Variants in OPA1 observed in about 807,000 individuals in gnomAD.
OPA1 encodes the protein dynamin-like GTPase OPA1, mitochondrial.
In OPA1, 59 loss-of-function variants were observed where a neutral mutation model predicts 152.9. The ratio of observed to expected loss-of-function variants is 0.39; its 90% CI spans 0.31 to 0.48. The LOEUF (loss-of-function observed/expected upper bound fraction) is 0.48, where lower values mean the gene tolerates loss of function less well. OPA1 is among the 20% of genes least tolerant of loss of function. The pLI is 0.96. For missense variants in OPA1, 1,008 were observed against 1,216.8 expected (o/e 0.83, Z 2.55); for synonymous variants, 400 against 389.9 (o/e 1.03, Z -0.31).
intron 29 of OPA1, among the ~76,000 whole-genome samples, chr3:193,673,640 G>A (rs780505031): frequency 1.3e-5 from 2 of 152,170 alleles, no homozygotes; most frequent in Non-Finnish European, 2.9e-5. Context: ...GAGCATAATG[G>A]TGGCTGTTAT....
intron 29 of OPA1, among the ~76,000 whole-genome samples, chr3:193,677,994 A>G (rs1462455537): frequency 6.6e-6 from 1 of 152,226 alleles, no homozygotes; most frequent in Non-Finnish European, 1.5e-5. Context: ...CTGAAAATAA[A>G]TCAAAATCTT....
chr3:193,632,364 C>CCA (rs1471652450), intron 8 of OPA1, among the ~76,000 whole-genome samples: 3 of 152,074 alleles, frequency 2.0e-5, no homozygotes, highest in Non-Finnish European at 4.4e-5. Context: ...GCCTGTAGTC[C>CCA]CAGCTACTCA....
At chr3:193,676,217 G>A (rs1718953373) in intron 29 of OPA1, among the ~76,000 whole-genome samples, 2 of 146,138 alleles carry the variant, frequency 1.4e-5, no homozygotes, top group African/African-American at 5.2e-5. Context: ...AAATGTGTAT[G>A]TTTGAGAGAC....
Position 193,648,809 on chromosome 3 carries a change from A to G in OPA1, c.1950A>G (p.Glu650=), listed in dbSNP as rs1711668624. 1 of 1,605,424 alleles carries G rather than the reference A, an allele frequency of 6.2e-7. No individual in the cohort carries two copies. The highest frequency in any genetic ancestry group is 1.1e-5 in the South Asian group (1 of 90,866). ...ATATTGCCTAGAATGAACTATTTGAAAAAGCTAAAAATGAAATCCTTGATG... is the reference window on the plus strand; with the variant it reads ...ATATTGCCTAGAATGAACTATTTGAGAAAGCTAAAAATGAAATCCTTGATG... ...LRELDRNELF[E]KAKNEILDEV... The change falls in exon 21 of 31, where the codon GAA becomes GAG. Residue 650 remains glutamate, a synonymous_variant. Transcript: ENST00000361510.
chr3:193,620,025 G>A lies in OPA1; in HGVS notation c.678+1089G>A, dbSNP rs73205344. Among the ~76,000 whole-genome samples, 7 of 152,024 alleles carry A rather than the reference G, an allele frequency of 4.6e-5. No individual in the cohort carries two copies. In the South Asian group the frequency reaches 6.2e-4, roughly 14 times the overall value. ...ATCTTTTTTGACCCTCTTTTGCATT[G>A]ACATTATTTTAACCAAAGGACACTC... On this transcript the variant is annotated intron_variant, in intron 6 of 30. Transcript: ENST00000361510.
chr3:193,635,552 A>G (rs528622242), intron 9 of OPA1, 30 bp downstream of exon 9: 4 of 1,312,098 alleles, frequency 3.0e-6, no homozygotes, highest in South Asian at 2.4e-5. Context: ...TTTATTCTCA[A>G]AATTTTACCG....
chr3:193,608,223 T>C (rs1727603878), intron 1 of OPA1, among the ~76,000 whole-genome samples: 1 of 152,176 alleles, frequency 6.6e-6, no homozygotes, highest in Non-Finnish European at 1.5e-5. Context: ...TCTGGTCTTA[T>C]TTATTTCTTG....
chr3:193,686,239 T>A (rs1171685273), intron 29 of OPA1, among the ~76,000 whole-genome samples: 3 of 152,202 alleles, frequency 2.0e-5, no homozygotes, highest in Admixed American at 6.5e-5. Flanking sequence ...GTTTTCCATT[T>A]GAGTTTTTGA....
chr3:193,593,538 A>G, intron 1 of OPA1, 129 bp downstream of exon 1: 1 of 991,618 alleles, frequency 1.0e-6, no homozygotes, highest in Non-Finnish European at 1.4e-6. Flanking sequence ...GAATTCCCAG[A>G]TGTTCTTGAG....
chr3:193,618,935 A>G lies in OPA1; in HGVS notation c.677A>G (p.Lys226Arg). The G allele has an allele frequency of 6.2e-7, 1 of 1,611,976 alleles. No homozygotes were observed. Among genetic ancestry groups the G allele is most frequent in the Non-Finnish European group, 8.5e-7 (1 of 1,178,008 alleles). Reference protein sequence around the residue: ...RGSESDKHFRKGLLGELILLQ... With the variant: ...RGSESDKHFRRGLLGELILLQ... ...TCTGAAAGTGACAAGCATTTTAGAAAGGTAAGTGTAAAAGAGAATTGTTCA... is the reference window on the plus strand; with the variant it reads ...TCTGAAAGTGACAAGCATTTTAGAAGGGTAAGTGTAAAAGAGAATTGTTCA... The change falls in exon 6 of 31, where the codon AAG (lysine) becomes AGG (arginine). Residue 226 changes from lysine (K) to arginine (R), a missense_variant and splice_region_variant. This residue lies in a region of OPA1 where 408 missense variants were observed against 395.1 expected (regional missense o/e 1.03). Coordinates refer to ENST00000361510, the MANE Select transcript of OPA1 (RefSeq NM_130837.3).
intron 30 of OPA1, among the ~76,000 whole-genome samples, chr3:193,694,362 A>G (rs182424540): frequency 1.4e-4 from 21 of 152,378 alleles, no homozygotes; most frequent in African/African-American, 4.3e-4. Context: ...AGGTGTTTAT[A>G]TGCTATACAG....
rs1560079327 is a variant in OPA1, at chr3:193,688,444, C to CTTTTTTTTTTTT, written c.2984-3615_2984-3614insTTTTTTTTTTTT. Reference sequence around the variant, plus strand: ...TTCCCTGATTTTTACTGAAATGGGTCTTTTCTTTTTTTTTTTTTTTTTTTT... The same window carrying CTTTTTTTTTTTT: ...TTCCCTGATTTTTACTGAAATGGGTCTTTTTTTTTTTTTTTTCTTTTTTTTTTTTTTTTTTTT... On this transcript the variant is annotated intron_variant, in intron 29 of 30. Coordinates refer to ENST00000361510, the MANE Select transcript of OPA1 (RefSeq NM_130837.3). Among the ~76,000 whole-genome samples the CTTTTTTTTTTTT allele has an allele frequency of 1.6e-4, 6 of 38,516 alleles. 2 individuals carry two copies. The highest frequency in any genetic ancestry group is 3.6e-4 in the Admixed American group (1 of 2,756). The allele number at this position is 38,516 out of a possible 152,430, so 25.3% of individuals were successfully genotyped here.
In OPA1 at chr3:193,617,784, G is replaced by T. The variant is rs748799408; in HGVS notation, c.557G>T (p.Gly186Val). The change falls in exon 5 of 31, where the codon GGT becomes GTT. Residue 186 changes from glycine (G) to valine (V), a missense_variant and splice_region_variant. Transcript: ENST00000361510. ...LSLLKDFFTS[G>V]HKLVSEVIGA... ...TTCCCCTTTTGCTGATTTTTCACAG[G>T]TCACAAATTGGTTAGTGAAGTCATA... is the stretch of plus-strand genomic sequence containing the variant. The T allele has an allele frequency of 6.2e-7, 1 of 1,609,992 alleles. No individual in the cohort carries two copies. The highest frequency in any genetic ancestry group is 1.3e-5 in the African/African-American group (1 of 74,960).
chr3:193,618,769 A>C, intron 5 of OPA1, 100 bp from the exon 6 acceptor site: 1 of 958,354 alleles, frequency 1.0e-6, no homozygotes. Context: ...AGTTGCTCTA[A>C]AAATCCATTC....
At chr3:193,612,976 C>T (rs1444179331) in intron 1 of OPA1, among the ~76,000 whole-genome samples, 1 of 152,184 alleles carries the variant, frequency 6.6e-6, no homozygotes, top group Non-Finnish European at 1.5e-5. Flanking sequence ...GAGCAACGGC[C>T]TCAGTGGGTA....
chr3:193,663,663 A>G lies in OPA1; in HGVS notation c.2661+701A>G, dbSNP rs1023372382. 3.3e-5 allele frequency among the ~76,000 whole-genome samples: 5 copies of G among 152,268 alleles called. No individual in the cohort carries two copies. In the South Asian group the frequency reaches 8.3e-4, roughly 25 times the overall value. On this transcript the variant is annotated intron_variant, in intron 26 of 30. Coordinates refer to ENST00000361510, the MANE Select transcript of OPA1 (RefSeq NM_130837.3). Reference sequence around the variant, plus strand: ...AAAAATAAGTCTAGTGGGGAAAGCAATCATTAACAAATTTCAAAGCCACAC... The same window carrying G: ...AAAAATAAGTCTAGTGGGGAAAGCAGTCATTAACAAATTTCAAAGCCACAC...
Position 193,626,163 on chromosome 3 carries a change from T to C in OPA1, c.750T>C (p.Ala250=). 5.6e-6 allele frequency: 9 copies of C among 1,614,164 alleles called. No homozygotes were observed. The highest frequency in any genetic ancestry group is 7.6e-6 in the Non-Finnish European group (9 of 1,180,004). ...ATGAAGAGGAAGCGCGCAGAGCCGC[T>C]GGCCAATATAGCACGAGCTATGCCC... ...QEHEEEARRA[A]GQYSTSYAQQ... Residue 250 remains alanine, a synonymous_variant, in exon 7 of 31, where the codon GCT becomes GCC. Transcript: ENST00000361510.
At chr3:193,666,952 TAA>T (rs1336414196) in intron 28 of OPA1, among the ~76,000 whole-genome samples, 1 of 152,148 alleles carries the variant, frequency 6.6e-6, no homozygotes, top group Non-Finnish European at 1.5e-5. Context: ...GCACTTCCAT[TAA>T]AGTGTATAGC....
intron 24 of OPA1, among the ~76,000 whole-genome samples, chr3:193,659,240 G>T (rs951617876): frequency 3.3e-5 from 5 of 152,126 alleles, no homozygotes; most frequent in African/African-American, 1.2e-4. Flanking sequence ...GAATATTTTA[G>T]TGTGTTCGCT....
Sources: gnomAD v4.1 joint callset for allele counts (sites outside exome capture counted in the v4.1 genomes callset) on GRCh38, gnomAD v4.1.1 for gene constraint, gnomAD v4.1.1 regional missense constraint, MANE v1.5 for transcripts, NCBI Gene and HGNC (gene_info 2026-07-23, HGNC 2026-07-21) for gene names.